The following MGAT4C variants were observed in gnomAD, a reference collection of about 807,000 sequenced individuals.
MGAT4C encodes MGAT4 family member C, also known as alpha-1,3-mannosyl-glycoprotein 4-beta-N-acetylglucosaminyltransferase C.
In MGAT4C, 19 loss-of-function variants were observed where a neutral mutation model predicts 40.1. The ratio of observed to expected loss-of-function variants is 0.47; its 90% CI spans 0.33 to 0.70. The LOEUF (loss-of-function observed/expected upper bound fraction) is 0.70. Ranked by LOEUF, MGAT4C falls within the 30% of genes least tolerant of loss-of-function variation. MGAT4C has a pLI of 0.02. For missense variants in MGAT4C, 491 were observed against 563.2 expected (o/e 0.87, Z 1.30); for synonymous variants, 181 against 187.1 (o/e 0.97, Z 0.27).
chr12:86,253,654 A>G (rs1952397303), intron 1 of MGAT4C, among the ~76,000 whole-genome samples: 1 of 151,974 alleles, frequency 6.6e-6, no homozygotes. Flanking sequence ...CATTCACACA[A>G]TAAGTCCAAG....
intron 2 of MGAT4C, among the ~76,000 whole-genome samples, chr12:86,584,314 T>C (rs1436784216): frequency 1.3e-5 from 2 of 150,850 alleles, no homozygotes; most frequent in Admixed American, 6.6e-5. Flanking sequence ...TAAAATAATA[T>C]AATATTTTTA....
intron 4 of MGAT4C, among the ~76,000 whole-genome samples, chr12:86,270,616 T>C (rs1952922069): frequency 6.6e-6 from 1 of 152,178 alleles, no homozygotes; most frequent in Non-Finnish European, 1.5e-5. Context: ...CTAGATTCAA[T>C]GCAATCCCCA....
At chr12:86,572,847 C>T (rs1404867451) in intron 2 of MGAT4C, among the ~76,000 whole-genome samples, 1 of 152,008 alleles carries the variant, frequency 6.6e-6, no homozygotes. Context: ...CTCTCTGTCT[C>T]ACTCTGCCCT....
chr12:86,284,799 T>A (rs925630527), intron 4 of MGAT4C, among the ~76,000 whole-genome samples: 1 of 151,962 alleles, frequency 6.6e-6, no homozygotes, highest in African/African-American at 2.4e-5. Context: ...CAAACAACCA[T>A]CATGAATATA....
At chr12:86,714,774 A>AAAGGAAGGAAGGAAGGAAGGAAGGAAGG (rs71445060) in intron 2 of MGAT4C, among the ~76,000 whole-genome samples, 36 of 141,502 alleles carry the variant, frequency 2.5e-4, no homozygotes, top group African/African-American at 9.0e-4. Flanking sequence ...TGGAAGGGAA[A>AAAGGAAGGAAGGAAGGAAGGAAGGAAGG]AAGGAAGGAA....
intron 2 of MGAT4C, among the ~76,000 whole-genome samples, chr12:86,458,528 A>T (rs931416164): frequency 6.6e-6 from 1 of 152,170 alleles, no homozygotes; most frequent in Non-Finnish European, 1.5e-5. Flanking sequence ...GAATGTAGAA[A>T]ACAATTATAT....
At chr12:86,353,864 C>T (rs528171983) in intron 3 of MGAT4C, among the ~76,000 whole-genome samples, 11 of 152,156 alleles carry the variant, frequency 7.2e-5, no homozygotes, top group South Asian at 6.2e-4. Context: ...TAGATGTGCA[C>T]GAGCGTAATG....
chr12:86,170,379 T>C (rs775006453), intron 1 of MGAT4C, among the ~76,000 whole-genome samples: 1 of 152,224 alleles, frequency 6.6e-6, no homozygotes, highest in Non-Finnish European at 1.5e-5. Context: ...GACTTCCTGT[T>C]CTATGTTAAA....
rs1476307203 is a variant in MGAT4C, at chr12:85,964,581, G to T, written c.*14708C>A. 2 of 152,184 alleles carry T rather than the reference G, an allele frequency of 1.3e-5. No homozygotes were observed. The highest frequency in any genetic ancestry group is 1.9e-4 in the East Asian group (1 of 5,176). The allele number at this position is 152,184 out of a possible 1,614,324, so 9.4% of individuals were successfully genotyped here. ...CAAATACATCATGTTTACTGGTAAA[G>T]ATAACATTATTTAAGGAAGGTAAGA... On this transcript the variant is annotated 3_prime_UTR_variant, in exon 5 of 5. Coordinates refer to ENST00000611864, the MANE Select transcript of MGAT4C (RefSeq NM_001351288.2).
intron 1 of MGAT4C, among the ~76,000 whole-genome samples, chr12:86,731,776 C>T (rs962933366): frequency 6.6e-6 from 1 of 152,014 alleles, no homozygotes; most frequent in African/African-American, 2.4e-5. Flanking sequence ...GGGGCTATAC[C>T]AACCTAGATG....
At chr12:86,500,043 G>T (rs7139304) in intron 2 of MGAT4C, among the ~76,000 whole-genome samples, 122,517 of 151,616 alleles carry the variant, frequency 0.81, 49,717 homozygotes, top group South Asian at 0.94. Context: ...GCAGAGAGCA[G>T]CCAAAGCTTA....
chr12:86,295,535 T>C (rs1207475936), intron 4 of MGAT4C, among the ~76,000 whole-genome samples: 3 of 152,080 alleles, frequency 2.0e-5, no homozygotes, highest in African/African-American at 7.2e-5. Context: ...GTAGCAAGAT[T>C]TATTGCAAAG....
intron 3 of MGAT4C, among the ~76,000 whole-genome samples, chr12:86,345,091 T>G (rs1252331698): frequency 1.3e-5 from 2 of 152,032 alleles, no homozygotes; most frequent in Non-Finnish European, 2.9e-5. Context: ...CAGACAAATA[T>G]GTCACACAAA....
rs1343650470 is a variant in MGAT4C at position 85,977,040 on chromosome 12, G to C, written c.*2249C>G. 6.6e-6 allele frequency: 1 copy of C among 151,270 alleles called. No individual in the cohort carries two copies. The highest frequency in any genetic ancestry group is 1.5e-5 in the Non-Finnish European group (1 of 67,396). 9.4% of individuals were successfully genotyped at this position (151,270 alleles called of 1,614,324 possible). On this transcript the variant is annotated 3_prime_UTR_variant, in exon 5 of 5. Coordinates refer to ENST00000611864, the MANE Select transcript of MGAT4C (RefSeq NM_001351288.2). Reference sequence around the variant, plus strand: ...CTTATCCAAACACAGGTTTAGTAAAGAGAGGATATAAAGATAAAATGTGAA... The same window carrying C: ...CTTATCCAAACACAGGTTTAGTAAACAGAGGATATAAAGATAAAATGTGAA...
intron 1 of MGAT4C, among the ~76,000 whole-genome samples, chr12:86,075,121 C>A (rs1337182137): frequency 1.3e-5 from 2 of 152,174 alleles, no homozygotes; most frequent in Non-Finnish European, 2.9e-5. Flanking sequence ...GTTGCTTCCA[C>A]CTATGAGCCT....
At chr12:86,798,030 C>G (rs1467822560) in intron 1 of MGAT4C, among the ~76,000 whole-genome samples, 1 of 151,874 alleles carries the variant, frequency 6.6e-6, no homozygotes, top group Non-Finnish European at 1.5e-5. Flanking sequence ...TTACCTATAA[C>G]TATCCATAAC....
intron 1 of MGAT4C, among the ~76,000 whole-genome samples, chr12:86,171,842 C>A (rs1886888343): frequency 6.6e-6 from 1 of 152,154 alleles, no homozygotes; most frequent in Middle Eastern, 3.2e-3. Context: ...TCCAGATAGT[C>A]TCACCCTTAG....
rs1047220391 is a variant in MGAT4C, at chr12:86,375,780, A to C, written c.-119-41653T>G. ...CAAGATTGTCATTAACAATGAGAAC[A>C]CTAACAATGAGAACAATGAATATCA... On this transcript the variant is annotated intron_variant, in intron 3 of 7. Coordinates refer to the MGAT4C transcript ENST00000548651. Among the ~76,000 whole-genome samples the C allele has an allele frequency of 6.5e-4, 99 of 152,154 alleles. 1 individual carries two copies. Among genetic ancestry groups the C allele is most frequent in the African/African-American group, 2.1e-3 (85 of 41,462 alleles).
rs191163458 is a variant in MGAT4C, at chr12:86,481,755, G to A, written c.-228-46490C>T. 3.3e-3 allele frequency among the ~76,000 whole-genome samples: 498 copies of A among 151,688 alleles called. 2 individuals carry two copies. The highest frequency in any genetic ancestry group is 0.012 in the African/African-American group (481 of 41,416). On this transcript the variant is annotated intron_variant, in intron 2 of 7. Transcript: ENST00000548651. ...TTTCAACTAAAATGGTAACAACATG[G>A]TACGTATAAATAATATATTTTTATT...
Sources: allele counts gnomAD v4.1 joint callset (sites outside exome capture counted in the v4.1 genomes callset), GRCh38; gene constraint gnomAD v4.1.1; transcripts MANE v1.5; gene names NCBI Gene and HGNC (gene_info 2026-07-23, HGNC 2026-07-21).